The following ENTREP2 variants were observed in gnomAD, a reference collection of about 807,000 sequenced individuals.
The protein encoded by ENTREP2 is endosomal transmembrane epsin interactor 2.
At chr15:29,634,303 C>T in the ENTREP2 span, among the ~76,000 whole-genome samples, 3 of 152,092 alleles carry the variant, frequency 2.0e-5, no homozygotes, top group Non-Finnish European at 4.4e-5. Context: ...GTGCTGGCTC[C>T]TGTGCCAGGA....
At chr15:29,315,973 G>A in the ENTREP2 span, among the ~76,000 whole-genome samples, 6 of 103,070 alleles carry the variant, frequency 5.8e-5, no homozygotes, top group South Asian at 3.2e-4. Flanking sequence ...AGGACAAAGC[G>A]AAAATCTAAG....
At chr15:29,486,462 G>A in the ENTREP2 span, among the ~76,000 whole-genome samples, 1 of 152,180 alleles carries the variant, frequency 6.6e-6, no homozygotes, top group South Asian at 2.1e-4. Flanking sequence ...AGGCCGAGGT[G>A]GGCAGATCAC....
the ENTREP2 span, among the ~76,000 whole-genome samples, chr15:29,582,871 C>T: frequency 4.6e-5 from 7 of 151,998 alleles, no homozygotes; most frequent in Admixed American, 1.3e-4. Context: ...AGGCTGGTCT[C>T]GAACTCCTGA....
chr15:29,414,297 G>A, the ENTREP2 span, among the ~76,000 whole-genome samples: 12 of 152,096 alleles, frequency 7.9e-5, no homozygotes, highest in Admixed American at 2.6e-4. Flanking sequence ...ATAAGGAACC[G>A]TCTCTCAGAC....
the ENTREP2 span, among the ~76,000 whole-genome samples, chr15:29,526,597 G>A: frequency 2.0e-5 from 3 of 151,574 alleles, no homozygotes; most frequent in African/African-American, 4.8e-5. Context: ...CTGAGTAACA[G>A]ACTATAGGCA....
the ENTREP2 span, among the ~76,000 whole-genome samples, chr15:29,410,690 C>T: frequency 2.0e-5 from 3 of 152,192 alleles, no homozygotes; most frequent in Non-Finnish European, 2.9e-5. Context: ...AGAACATTCA[C>T]GTTCCTAAGA....
At chr15:29,584,634 G>A in the ENTREP2 span, among the ~76,000 whole-genome samples, 1 of 152,200 alleles carries the variant, frequency 6.6e-6, no homozygotes, top group African/African-American at 2.4e-5. Flanking sequence ...CACAGAAACA[G>A]AGTAGAATAG....
the ENTREP2 span, among the ~76,000 whole-genome samples, chr15:29,516,129 A>T: frequency 6.6e-6 from 1 of 152,036 alleles, no homozygotes; most frequent in Non-Finnish European, 1.5e-5. Flanking sequence ...TGCCTCCCAG[A>T]TCAATTAAAT....
chr15:29,524,478 G>A, the ENTREP2 span, among the ~76,000 whole-genome samples: 6 of 152,156 alleles, frequency 3.9e-5, no homozygotes, highest in Admixed American at 2.0e-4. Context: ...CTCCCAAGAT[G>A]GCAGCAAGCC....
At chr15:29,158,599 A>ATAGGGTT in the ENTREP2 span, among the ~76,000 whole-genome samples, 2 of 152,050 alleles carry the variant, frequency 1.3e-5, no homozygotes, top group African/African-American at 4.8e-5. Flanking sequence ...TTAAGTAGAG[A>ATAGGGTT]TAGGGTTTCA....
the ENTREP2 span, among the ~76,000 whole-genome samples, chr15:29,440,761 C>A: frequency 6.6e-6 from 1 of 152,174 alleles, no homozygotes; most frequent in African/African-American, 2.4e-5. Context: ...ATCGCTCTCC[C>A]TCCTTTTCCT....
chr15:29,279,669 G>A, the ENTREP2 span, among the ~76,000 whole-genome samples: 1 of 151,946 alleles, frequency 6.6e-6, no homozygotes, highest in Non-Finnish European at 1.5e-5. Context: ...GGCCTCAGTT[G>A]GGATTTTCAC....
At chr15:29,385,815 G>A in the ENTREP2 span, among the ~76,000 whole-genome samples, 2 of 152,084 alleles carry the variant, frequency 1.3e-5, no homozygotes, top group Non-Finnish European at 2.9e-5. Context: ...CATCTTCCAA[G>A]ACCACTCTGG....
At chr15:29,204,535 G>A in the ENTREP2 span, among the ~76,000 whole-genome samples, 1 of 152,092 alleles carries the variant, frequency 6.6e-6, no homozygotes. Flanking sequence ...GAGGAAGGAG[G>A]CGCAGCACGG....
At chr15:29,569,138 C>A in the ENTREP2 span, among the ~76,000 whole-genome samples, 1 of 152,206 alleles carries the variant, frequency 6.6e-6, no homozygotes, top group East Asian at 1.9e-4. Flanking sequence ...GCATTTAAAT[C>A]ATGGCTCCCG....
the ENTREP2 span, among the ~76,000 whole-genome samples, chr15:29,456,981 G>A: frequency 6.6e-6 from 1 of 152,264 alleles, no homozygotes; most frequent in African/African-American, 2.4e-5. Context: ...AGAGAAATGA[G>A]CAAACAATGT....
chr15:29,171,889 T>C, the ENTREP2 span, among the ~76,000 whole-genome samples: 1 of 152,206 alleles, frequency 6.6e-6, no homozygotes, highest in South Asian at 2.1e-4. Flanking sequence ...ACTACTGTCA[T>C]CTATAATCCT....
the ENTREP2 span, chr15:29,234,154 T>G: frequency 1.3e-6 from 2 of 1,577,690 alleles, no homozygotes; most frequent in Non-Finnish European, 1.7e-6. Flanking sequence ...GTCATTCTCG[T>G]TCACTCTCAG....
chr15:29,288,595 C>CACATATGCTCACCACTGTGT, the ENTREP2 span, among the ~76,000 whole-genome samples: 8 of 152,152 alleles, frequency 5.3e-5, no homozygotes, highest in Non-Finnish European at 1.0e-4. Flanking sequence ...TGTTTAGAAG[C>CACATATGCTCACCACTGTGT]ACATATGCTC....
Sources: allele counts gnomAD v4.1 joint callset (sites outside exome capture counted in the v4.1 genomes callset), GRCh38; gene constraint gnomAD v4.1.1; transcripts MANE v1.5; gene names NCBI Gene and HGNC (gene_info 2026-07-23, HGNC 2026-07-21).